Variants in NKAIN2 observed in about 807,000 individuals in gnomAD.
NKAIN2 encodes sodium/potassium-transporting ATPase subunit beta-1-interacting protein 2.
A neutral mutation model predicts 32.6 loss-of-function variants in NKAIN2; 14 were observed. The ratio of observed to expected loss-of-function variants is 0.43; its 90% CI spans 0.28 to 0.67. NKAIN2 has a LOEUF of 0.67. NKAIN2 is among the 30% of genes least tolerant of loss of function. The probability of loss-of-function intolerance (pLI) is 0.17; values close to 1 mark genes in which losing one functional copy is unlikely to be tolerated. For synonymous variants in NKAIN2, 80 were observed against 87.2 expected (o/e 0.92, Z 0.46); for missense variants, 198 against 258.3 (o/e 0.77, Z 1.60).
At chr6:124,615,142 T>C (rs1363613285) in intron 3 of NKAIN2, among the ~76,000 whole-genome samples, 1 of 152,246 alleles carries the variant, frequency 6.6e-6, no homozygotes, top group Non-Finnish European at 1.5e-5. Context: ...CAGTCTGTCA[T>C]GTATCACGTC....
chr6:123,924,688 A>C (rs532382896), intron 1 of NKAIN2, among the ~76,000 whole-genome samples: 1 of 152,262 alleles, frequency 6.6e-6, no homozygotes, highest in East Asian at 1.9e-4. Flanking sequence ...TCATCTATGT[A>C]ACGAGTGGAC....
At chr6:124,470,238 A>C (rs531168087) in intron 3 of NKAIN2, among the ~76,000 whole-genome samples, 1 of 152,202 alleles carries the variant, frequency 6.6e-6, no homozygotes, top group East Asian at 1.9e-4. Context: ...CTGGTGAGAG[A>C]CGAGGCAGGA....
chr6:124,225,495 C>T (rs1792056077), intron 1 of NKAIN2, among the ~76,000 whole-genome samples: 1 of 151,824 alleles, frequency 6.6e-6, no homozygotes, highest in African/African-American at 2.4e-5. Context: ...CAAAGGAAGT[C>T]TTTCAGAATT....
intron 3 of NKAIN2, among the ~76,000 whole-genome samples, chr6:124,537,422 A>T (rs919545431): frequency 6.6e-6 from 1 of 152,158 alleles, no homozygotes; most frequent in Admixed American, 6.5e-5. Flanking sequence ...TAGCACCACA[A>T]GTTGTTTTCC....
chr6:124,070,186 G>A (rs1258648622), intron 1 of NKAIN2, among the ~76,000 whole-genome samples: 1 of 152,128 alleles, frequency 6.6e-6, no homozygotes, highest in African/African-American at 2.4e-5. Flanking sequence ...GGCCACTTGT[G>A]AGCTTTTGTT....
intron 3 of NKAIN2, among the ~76,000 whole-genome samples, chr6:124,656,757 C>T (rs1490738537): frequency 6.6e-6 from 1 of 152,134 alleles, no homozygotes; most frequent in Non-Finnish European, 1.5e-5. Flanking sequence ...CCCACGTTAG[C>T]TCTCTCTCAT....
chr6:124,022,585 C>T (rs1780914907), intron 1 of NKAIN2, among the ~76,000 whole-genome samples: 1 of 152,106 alleles, frequency 6.6e-6, no homozygotes, highest in South Asian at 2.1e-4. Flanking sequence ...TGTGTCCAGA[C>T]AATTTTAACC....
At chr6:124,332,391 C>T (rs570640808) in intron 2 of NKAIN2, among the ~76,000 whole-genome samples, 1 of 152,118 alleles carries the variant, frequency 6.6e-6, no homozygotes, top group Non-Finnish European at 1.5e-5. Flanking sequence ...ACACGACACT[C>T]TAATTCAAAG....
chr6:124,510,241 T>G (rs1010324098), intron 3 of NKAIN2, among the ~76,000 whole-genome samples: 26 of 152,164 alleles, frequency 1.7e-4, no homozygotes, highest in African/African-American at 5.8e-4. Flanking sequence ...TTTTTAAAAA[T>G]TATGGAACCT....
intron 3 of NKAIN2, among the ~76,000 whole-genome samples, chr6:124,629,797 T>C (rs1562293876): frequency 6.6e-6 from 1 of 152,160 alleles, no homozygotes; most frequent in Admixed American, 6.6e-5. Context: ...ACAGTACTTT[T>C]ATTTTAAGTG....
chr6:123,993,723 T>C (rs1291083548), intron 1 of NKAIN2, among the ~76,000 whole-genome samples: 1 of 152,210 alleles, frequency 6.6e-6, no homozygotes, highest in Non-Finnish European at 1.5e-5. Context: ...TAAAGTTTTA[T>C]GTTCCAGTAT....
intron 4 of NKAIN2, among the ~76,000 whole-genome samples, chr6:124,706,359 G>A (rs772615054): frequency 6.6e-6 from 1 of 152,026 alleles, no homozygotes; most frequent in Non-Finnish European, 1.5e-5. Flanking sequence ...GAAAGTTCTA[G>A]TTCAAATCCA....
At chr6:124,492,485 A>T (rs7751656) in intron 3 of NKAIN2, among the ~76,000 whole-genome samples, 127,902 of 151,848 alleles carry the variant, frequency 0.84, 53,954 homozygotes, top group South Asian at 0.88. Flanking sequence ...ATGGCACCTA[A>T]TAAAATAGTT....
chr6:124,461,785 A>G (rs1186400548), intron 3 of NKAIN2, among the ~76,000 whole-genome samples: 1 of 151,858 alleles, frequency 6.6e-6, no homozygotes, highest in Non-Finnish European at 1.5e-5. Flanking sequence ...GAACTGCCAC[A>G]TGGCTTCTAA....
intron 1 of NKAIN2, among the ~76,000 whole-genome samples, chr6:123,892,485 C>T (rs533006463): frequency 6.7e-6 from 1 of 149,318 alleles, no homozygotes; most frequent in Non-Finnish European, 1.5e-5. Context: ...TCATGAGACT[C>T]GCTATCATGA....
At chr6:124,571,701 C>T (rs1260513785) in intron 3 of NKAIN2, among the ~76,000 whole-genome samples, 1 of 152,192 alleles carries the variant, frequency 6.6e-6, no homozygotes, top group Non-Finnish European at 1.5e-5. Flanking sequence ...CGGACTAATA[C>T]ACCTTCCTCA....
chr6:124,047,431 A>G (rs1353178506), intron 1 of NKAIN2, among the ~76,000 whole-genome samples: 1 of 150,188 alleles, frequency 6.7e-6, no homozygotes, highest in African/African-American at 2.5e-5. Flanking sequence ...AGGGAAATTT[A>G]CTTTCTCTCT....
chr6:124,760,782 G>A (rs1470374969), intron 4 of NKAIN2, among the ~76,000 whole-genome samples: 6 of 152,260 alleles, frequency 3.9e-5, no homozygotes, highest in Non-Finnish European at 4.4e-5. Flanking sequence ...ATAGCAATGA[G>A]TTATTCAAAT....
intron 1 of NKAIN2, among the ~76,000 whole-genome samples, chr6:123,868,864 T>G (rs1480964098): frequency 6.6e-6 from 1 of 152,218 alleles, no homozygotes; most frequent in Non-Finnish European, 1.5e-5. Context: ...AGAAATCATC[T>G]GATCAGTTCT....
Sources: allele counts gnomAD v4.1 joint callset (sites outside exome capture counted in the v4.1 genomes callset), GRCh38; gene constraint gnomAD v4.1.1; transcripts MANE v1.5; gene names NCBI Gene and HGNC (gene_info 2026-07-23, HGNC 2026-07-21).